The following IFT43 variants were observed in gnomAD, a reference collection of about 807,000 sequenced individuals.
IFT43 encodes the protein intraflagellar transport 43, also known as intraflagellar transport protein 43 homolog.
Under a neutral mutation model 32.3 loss-of-function variants are expected in IFT43, and 33 were observed. The ratio of observed to expected loss-of-function variants is 1.02; its 90% CI spans 0.77 to 1.37. The LOEUF is 1.37. Among genes scored for constraint, IFT43 ranks in the 40% most tolerant of loss-of-function variants. The pLI, the probability that IFT43 is intolerant of heterozygous loss-of-function variation, is 0.00. For missense variants in IFT43, 274 were observed against 265.9 expected (o/e 1.03, Z -0.21); for synonymous variants, 93 against 98.2 (o/e 0.95, Z 0.31).
In IFT43 at chr14:76,070,925, T is replaced by C. The variant is rs553728680; in HGVS notation, c.296-11370T>C. 1.3e-5 allele frequency among the ~76,000 whole-genome samples: 2 copies of C among 152,328 alleles called. 1 individual carries two copies. Among genetic ancestry groups the C allele is most frequent in the East Asian group, 3.9e-4 (2 of 5,192 alleles). On this transcript the variant is annotated intron_variant, in intron 5 of 8. Coordinates refer to ENST00000314067, the MANE Select transcript of IFT43 (RefSeq NM_001102564.3). ...AACCATGAGCCAATTAAATCTCTTT[T>C]CTTTACAAATTACAGTTTCAAGTAT... is the stretch of plus-strand genomic sequence containing the variant.
intron 1 of IFT43, chr14:75,986,067 C>T (rs1273526635): frequency 1.3e-6 from 2 of 1,493,876 alleles, no homozygotes; most frequent in Non-Finnish European, 1.8e-6. Context: ...TAGAAAACAC[C>T]CTGTCCCCGC....
chr14:75,996,018 C>T lies in IFT43; in HGVS notation c.147+7041C>T, dbSNP rs577285049. On this transcript the variant is annotated intron_variant, in intron 2 of 8. Transcript: ENST00000314067. ...TGGAAATCAACATCTTGAGATTCTC[C>T]GCCAGCACTGGCTCTGGCTTTGTCA... 2.8e-4 allele frequency among the ~76,000 whole-genome samples: 42 copies of T among 152,302 alleles called. No homozygotes were observed. The South Asian group carries it at 5.4e-3, about 20-fold the overall frequency.
chr14:76,003,344 C>T (rs182143709), intron 2 of IFT43, among the ~76,000 whole-genome samples: 51 of 152,060 alleles, frequency 3.4e-4, no homozygotes, highest in Admixed American at 2.7e-3. Flanking sequence ...ATACCATGGC[C>T]GGGTTTGGTG....
intron 1 of IFT43, 61 bp downstream of exon 1, chr14:75,985,901 G>T: frequency 1.3e-6 from 2 of 1,591,720 alleles, no homozygotes; most frequent in Non-Finnish European, 1.7e-6. Context: ...GAGCGACCCC[G>T]CCGGCCCCGA....
At chr14:76,083,191 G>T in intron 7 of IFT43, 36 bp from the exon 8 acceptor site, 1 of 1,613,878 alleles carries the variant, frequency 6.2e-7, no homozygotes, top group Non-Finnish European at 8.5e-7. Flanking sequence ...AGCCCTCAAG[G>T]TGCTCAGCCT....
At chr14:76,022,886 C>T (rs143034569) in intron 3 of IFT43, among the ~76,000 whole-genome samples, 15 of 152,284 alleles carry the variant, frequency 9.9e-5, no homozygotes, top group Admixed American at 3.9e-4. Context: ...ATGAACTGTG[C>T]GGCATGTCCT....
chr14:76,062,938 A>AAAAAAAAAAGAAAAAAG (rs1485146040), intron 5 of IFT43, among the ~76,000 whole-genome samples: 1 of 120,880 alleles, frequency 8.3e-6, no homozygotes, highest in Non-Finnish European at 1.6e-5. Context: ...AAAAAAAAAA[A>AAAAAAAAAAGAAAAAAG]AAAGAAAATA....
In IFT43 at chr14:76,059,492, G is replaced by A. The variant is rs1594853886; in HGVS notation, c.295+119G>A. On this transcript the variant is annotated intron_variant, in intron 5 of 8. Transcript: ENST00000314067. ...CTGAAGACATTTGCAGTGGTCTTCTGACGCATGCTGATGCACATCTTCATG... is the reference window on the plus strand; with the variant it reads ...CTGAAGACATTTGCAGTGGTCTTCTAACGCATGCTGATGCACATCTTCATG... 10 of 933,854 alleles carry A rather than the reference G, an allele frequency of 1.1e-5. No individual in the cohort carries two copies. The East Asian group carries it at 2.2e-4, about 21-fold the overall frequency. 57.8% of individuals were successfully genotyped at this position (933,854 alleles called of 1,614,324 possible).
chr14:75,997,676 G>A (rs911197610), intron 2 of IFT43, among the ~76,000 whole-genome samples: 1 of 151,968 alleles, frequency 6.6e-6, no homozygotes, highest in African/African-American at 2.4e-5. Context: ...TTCTATTTAG[G>A]CAAAGTGACC....
intron 2 of IFT43, among the ~76,000 whole-genome samples, chr14:76,015,167 C>T (rs747076101): frequency 6.9e-4 from 105 of 152,284 alleles, no homozygotes; most frequent in Non-Finnish European, 1.2e-3. Context: ...TCCGTCTCAT[C>T]CAGACAGGGT....
At chr14:76,039,529 A>G (rs998558305) in intron 3 of IFT43, among the ~76,000 whole-genome samples, 3 of 152,212 alleles carry the variant, frequency 2.0e-5, no homozygotes, top group Non-Finnish European at 2.9e-5. Flanking sequence ...AAGGTGGATC[A>G]TTTCAAGAGG....
intron 2 of IFT43, among the ~76,000 whole-genome samples, chr14:76,020,817 A>G (rs879631584): frequency 6.6e-6 from 1 of 151,942 alleles, no homozygotes; most frequent in Non-Finnish European, 1.5e-5. Context: ...GTGATGGTGG[A>G]TCTGGGCAGG....
rs748827923 is a variant in IFT43 at position 76,022,351 on chromosome 14, T to A, written c.172T>A (p.Cys58Ser). ...GACTTCCTCTGCTAAATTACCTCGC[T>A]GCCGACAGGGAGGCTGGGCAGGTGA... ...GETSSAKLPR[C>S]RQGGWAGDSV... is the part of the protein sequence containing the mutation. Residue 58 changes from cysteine to serine, a missense_variant, in exon 3 of 9, where the codon TGC (cysteine) becomes AGC (serine). Cys to Ser is a moderately radical substitution (Grantham distance 112, BLOSUM62 -1). Coordinates refer to ENST00000314067, the MANE Select transcript of IFT43 (RefSeq NM_001102564.3). The A allele has an allele frequency of 3.1e-6, 5 of 1,613,732 alleles. No individual in the cohort carries two copies. The South Asian group carries it at 5.5e-5, about 18-fold the overall frequency.
At chr14:75,990,379 G>C (rs936816757) in intron 2 of IFT43, among the ~76,000 whole-genome samples, 12 of 152,120 alleles carry the variant, frequency 7.9e-5, no homozygotes, top group Admixed American at 7.9e-4. Flanking sequence ...TTGTAACTGC[G>C]GCCATGGCAC....
At chr14:76,024,825 T>C (rs1181591147) in intron 3 of IFT43, among the ~76,000 whole-genome samples, 1 of 152,238 alleles carries the variant, frequency 6.6e-6, no homozygotes, top group Non-Finnish European at 1.5e-5. Flanking sequence ...GTCTTTGTGA[T>C]TCTTGAAGTT....
intron 2 of IFT43, among the ~76,000 whole-genome samples, chr14:75,996,022 A>G (rs1251744295): frequency 1.3e-5 from 2 of 152,224 alleles, no homozygotes; most frequent in Non-Finnish European, 2.9e-5. Flanking sequence ...ATTCTCCGCC[A>G]GCACTGGCTC....
At chr14:76,057,441 G>T (rs767180623) in intron 3 of IFT43, among the ~76,000 whole-genome samples, 4 of 152,022 alleles carry the variant, frequency 2.6e-5, no homozygotes, top group Non-Finnish European at 5.9e-5. Flanking sequence ...ATGTTGGACG[G>T]GCTGGTCTCA....
intron 3 of IFT43, among the ~76,000 whole-genome samples, chr14:76,054,298 C>G (rs2036969724): frequency 6.6e-6 from 1 of 152,178 alleles, no homozygotes; most frequent in South Asian, 2.1e-4. Context: ...CCATATCGTG[C>G]CTTCCATAAG....
intron 3 of IFT43, among the ~76,000 whole-genome samples, chr14:76,049,697 C>G (rs1361979670): frequency 7.1e-6 from 1 of 141,086 alleles, no homozygotes; most frequent in Non-Finnish European, 1.5e-5. Flanking sequence ...CACCCCCAAC[C>G]CCCTTCTTTC....
Sources: allele counts gnomAD v4.1 joint callset (sites outside exome capture counted in the v4.1 genomes callset), GRCh38; gene constraint gnomAD v4.1.1; transcripts MANE v1.5; gene names NCBI Gene and HGNC (gene_info 2026-07-23, HGNC 2026-07-21).